SLC14A2: variants seen among roughly 807,000 people sequenced by gnomAD.
The protein encoded by SLC14A2 is solute carrier family 14 member 2, also known as urea transporter 2.
In SLC14A2, 91 loss-of-function variants were observed where a neutral mutation model predicts 104.6. That is an observed-to-expected ratio of 0.87 (90% confidence interval 0.73 to 1.04). The LOEUF (loss-of-function observed/expected upper bound fraction) is 1.04. Ranked by LOEUF, SLC14A2 falls within the 50% of genes least tolerant of loss-of-function variation. SLC14A2 has a pLI of 0.00. For synonymous variants in SLC14A2, 476 were observed against 466.4 expected, an observed-to-expected ratio of 1.02 and a Z score of -0.27; for missense variants, 1,189 against 1,156.0, an observed-to-expected ratio of 1.03 and a Z score of -0.41.
At chr18:45,350,910 C>T (rs781614238) in intron 1 of SLC14A2, among the ~76,000 whole-genome samples, 16 of 152,300 alleles carry the variant, frequency 1.1e-4, no homozygotes, top group Non-Finnish European at 2.1e-4. Context: ...ATAAATTTCA[C>T]ACTCAGTGAC....
At chr18:45,304,171 T>C (rs1030271462) in intron 1 of SLC14A2, among the ~76,000 whole-genome samples, 16 of 152,222 alleles carry the variant, frequency 1.1e-4, no homozygotes, top group African/African-American at 3.9e-4. Context: ...ATATATATTT[T>C]CCTCACAAAC....
chr18:45,465,662 G>A (rs1313977069), intron 1 of SLC14A2, among the ~76,000 whole-genome samples: 2 of 152,050 alleles, frequency 1.3e-5, no homozygotes, highest in African/African-American at 2.4e-5. Context: ...AGCATGCCTG[G>A]GACAATGGAC....
intron 1 of SLC14A2, 113 bp downstream of exon 1, chr18:45,615,695 TC>T (rs757653925): frequency 2.0e-5 from 3 of 151,920 alleles, no homozygotes; most frequent in Non-Finnish European, 4.4e-5. Context: ...AGGATTTGAA[TC>T]CAGGTATTCT....
At chr18:45,500,570 C>G (rs1267030730) in intron 2 of SLC14A2, among the ~76,000 whole-genome samples, 2 of 113,262 alleles carry the variant, frequency 1.8e-5, no homozygotes, top group Non-Finnish European at 3.7e-5. Flanking sequence ...GAGCGAGACT[C>G]CGTCTCAAAA....
At chr18:45,236,502 C>T (rs1483391082) in intron 1 of SLC14A2, among the ~76,000 whole-genome samples, 69 of 42,190 alleles carry the variant, frequency 1.6e-3, no homozygotes, top group South Asian at 2.0e-3. Context: ...TGTATATATA[C>T]ATGTATGTGT....
chr18:45,192,442 G>A, the SLC14A2 span, among the ~76,000 whole-genome samples: 2 of 152,158 alleles, frequency 1.3e-5, no homozygotes, highest in Non-Finnish European at 2.9e-5. Flanking sequence ...AAGGATTGGA[G>A]TACCTAGGAT....
rs898038932 is a variant in SLC14A2, at chr18:45,275,802, A to G, written c.-125+62611A>G. On this transcript the variant is annotated intron_variant, in intron 1 of 20. Coordinates refer to the SLC14A2 transcript ENST00000586448. ...AGTTGTTTACTATTTGGAGATCAAA[A>G]TCCCTGTCTTCACTGAGCTTACATT... is the stretch of plus-strand genomic sequence containing the variant. Among the ~76,000 whole-genome samples the G allele has an allele frequency of 4.6e-5, 7 of 152,348 alleles. No homozygotes were observed. The East Asian group carries it at 1.2e-3, about 25-fold the overall frequency.
At chr18:45,423,389 C>T (rs2086376383) in intron 1 of SLC14A2, among the ~76,000 whole-genome samples, 1 of 152,204 alleles carries the variant, frequency 6.6e-6, no homozygotes. Context: ...CTGGGGAGAG[C>T]CCTTTGCTCA....
intron 1 of SLC14A2, among the ~76,000 whole-genome samples, chr18:45,434,890 C>T (rs1334878639): frequency 6.6e-6 from 1 of 152,090 alleles, no homozygotes; most frequent in Admixed American, 6.6e-5. Flanking sequence ...TTGTTTTGTT[C>T]TCTGACATAC....
At chr18:45,206,435 A>ACG in the SLC14A2 span, among the ~76,000 whole-genome samples, 1 of 152,066 alleles carries the variant, frequency 6.6e-6, no homozygotes, top group Non-Finnish European at 1.5e-5. Flanking sequence ...ACACGTACAC[A>ACG]CACACACACA....
At chr18:45,295,862 T>C (rs12326462) in intron 1 of SLC14A2, among the ~76,000 whole-genome samples, 26,615 of 152,026 alleles carry the variant, frequency 0.18, 2,392 homozygotes, top group African/African-American at 0.2. Flanking sequence ...ACGACTGCAT[T>C]AACCACTAAA....
intron 1 of SLC14A2, among the ~76,000 whole-genome samples, chr18:45,623,631 G>A (rs917789663): frequency 2.6e-5 from 4 of 152,164 alleles, no homozygotes; most frequent in African/African-American, 9.7e-5. Context: ...ATTAGATAGG[G>A]GACTTTATCC....
intron 2 of SLC14A2, among the ~76,000 whole-genome samples, chr18:45,563,851 A>G (rs1234275657): frequency 1.3e-5 from 2 of 152,214 alleles, no homozygotes. Context: ...GTCACTGGTA[A>G]TGCCACGTGA....
chr18:45,364,647 A>G (rs543881901), intron 1 of SLC14A2, among the ~76,000 whole-genome samples: 2 of 152,358 alleles, frequency 1.3e-5, no homozygotes, highest in East Asian at 1.9e-4. Flanking sequence ...AAAGATGTCC[A>G]TGATATGTCA....
At chr18:45,273,606 AGAG>A (rs2084672947) in intron 1 of SLC14A2, among the ~76,000 whole-genome samples, 1 of 152,162 alleles carries the variant, frequency 6.6e-6, no homozygotes. Context: ...GGAGTGGCCA[AGAG>A]GAGAAGGAGG....
At chr18:45,460,742 T>G (rs1160450348) in intron 1 of SLC14A2, among the ~76,000 whole-genome samples, 1 of 152,024 alleles carries the variant, frequency 6.6e-6, no homozygotes, top group Non-Finnish European at 1.5e-5. Context: ...GCAGTTTTAA[T>G]GCGATACATG....
At chr18:45,335,188 C>T (rs570917967) in intron 1 of SLC14A2, among the ~76,000 whole-genome samples, 4 of 152,172 alleles carry the variant, frequency 2.6e-5, no homozygotes, top group Non-Finnish European at 5.9e-5. Flanking sequence ...TCCTCCCCTG[C>T]CACCCACTCC....
intron 1 of SLC14A2, among the ~76,000 whole-genome samples, chr18:45,268,658 A>G (rs1323561605): frequency 6.6e-6 from 1 of 152,226 alleles, no homozygotes; most frequent in African/African-American, 2.4e-5. Flanking sequence ...ATGAACAGCT[A>G]TGGTCTTGAC....
intron 1 of SLC14A2, among the ~76,000 whole-genome samples, chr18:45,285,682 C>G (rs1331903988): frequency 2.0e-5 from 3 of 150,312 alleles, no homozygotes; most frequent in Non-Finnish European, 4.4e-5. Flanking sequence ...CCCTCGGCCT[C>G]CCAAAGTGCT....
Sources: allele counts gnomAD v4.1 joint callset (sites outside exome capture counted in the v4.1 genomes callset), GRCh38; gene constraint gnomAD v4.1.1; transcripts MANE v1.5; gene names NCBI Gene and HGNC (gene_info 2026-07-23, HGNC 2026-07-21).